The following SRGAP1 variants were observed in gnomAD, a reference collection of about 807,000 sequenced individuals.
The protein encoded by SRGAP1 is SLIT-ROBO Rho GTPase activating protein 1, also known as SLIT-ROBO Rho GTPase-activating protein 1.
In SRGAP1, 43 loss-of-function variants were observed where a neutral mutation model predicts 121.9. That is an observed-to-expected ratio of 0.35 (90% CI 0.28 to 0.46). The LOEUF is 0.46. Among genes scored for constraint, SRGAP1 ranks in the 20% least tolerant of loss-of-function variants. The pLI is 1.00. For missense variants in SRGAP1, 1,102 were observed against 1,350.9 expected (o/e 0.82, Z 2.89); for synonymous variants, 447 against 485.4 (o/e 0.92, Z 1.04).
At position 64,045,011 on chromosome 12, in the gene SRGAP1, T is replaced by A. The variant is rs1178230922; in HGVS notation, c.801+1436T>A. ...CTCACCCAACCTCTGATGTGAATTT[T>A]TTCTTTTCGTCTCAAAACAACTTTA... On this transcript the variant is annotated intron_variant, in intron 6 of 21. Coordinates refer to ENST00000355086, the MANE Select transcript of SRGAP1 (RefSeq NM_020762.4). Among the ~76,000 whole-genome samples, 6 of 152,198 alleles carry A rather than the reference T, an allele frequency of 3.9e-5. No individual in the cohort carries two copies. The East Asian group carries it at 1.2e-3, about 29-fold the overall frequency.
At chr12:63,965,297 C>T (rs889188427) in intron 1 of SRGAP1, among the ~76,000 whole-genome samples, 5 of 151,976 alleles carry the variant, frequency 3.3e-5, no homozygotes, top group Non-Finnish European at 7.4e-5. Context: ...ATGAATGTAA[C>T]CTAGAGCTTT....
chr12:64,069,501 C>T (rs941677900), intron 8 of SRGAP1, among the ~76,000 whole-genome samples: 1 of 152,156 alleles, frequency 6.6e-6, no homozygotes, highest in Non-Finnish European at 1.5e-5. Context: ...TTCCAACTTC[C>T]AGCCGATCTG....
At chr12:63,926,801 A>G (rs941924895) in intron 1 of SRGAP1, among the ~76,000 whole-genome samples, 181 of 152,202 alleles carry the variant, frequency 1.2e-3, no homozygotes, top group African/African-American at 4.2e-3. Flanking sequence ...CCTTTTCCCA[A>G]TGTGAAACTT....
Position 64,154,907 on chromosome 12 carries a change from G to A in SRGAP1, c.*12235G>A, listed in dbSNP as rs567732945. ...GGAGACAGAAGGAGCAGCCAGGGCG[G>A]AGGAGGAAAACCAGGAGGAGCATGT... On this transcript the variant is annotated 3_prime_UTR_variant, in exon 22 of 22. Transcript: ENST00000355086. 6.5e-6 allele frequency: 1 copy of A among 152,762 alleles called. No homozygotes were observed. The highest frequency in any genetic ancestry group is 1.5e-5 in the Non-Finnish European group (1 of 68,354). 9.5% of individuals were successfully genotyped at this position (152,762 alleles called of 1,614,324 possible). A position where few individuals can be genotyped will look rare whatever the true frequency, so the allele number is the denominator to read the frequency against.
At chr12:64,013,355 T>C (rs528197094) in intron 3 of SRGAP1, among the ~76,000 whole-genome samples, 2 of 152,324 alleles carry the variant, frequency 1.3e-5, no homozygotes, top group South Asian at 4.1e-4. Context: ...CAAGTATCTG[T>C]GAATACAAGG....
intron 19 of SRGAP1, among the ~76,000 whole-genome samples, 160 bp from the exon 20 acceptor site, chr12:64,127,430 T>C (rs1008104180): frequency 7.2e-5 from 11 of 152,222 alleles, no homozygotes; most frequent in Non-Finnish European, 1.5e-5. Context: ...GCTTTTATAA[T>C]GAAAAGAGAA....
At chr12:63,913,480 T>TATATATATATATATATATATATATCG (rs1439123798) in intron 1 of SRGAP1, among the ~76,000 whole-genome samples, 1 of 108,626 alleles carries the variant, frequency 9.2e-6, no homozygotes, top group Non-Finnish European at 1.9e-5. Context: ...TATATATGGA[T>TATATATATATATATATATATATATCG]ATATATATAT....
chr12:64,003,090 G>GGGAGGGAGGGAA (rs777832380), intron 3 of SRGAP1, among the ~76,000 whole-genome samples: 47,616 of 117,446 alleles, frequency 0.41, 11,025 homozygotes, highest in African/African-American at 0.52. Context: ...AAGGGAGGGT[G>GGGAGGGAGGGAA]GGAGGGAGGG....
intron 1 of SRGAP1, among the ~76,000 whole-genome samples, chr12:63,895,569 G>A (rs1900726533): frequency 6.6e-6 from 1 of 152,118 alleles, no homozygotes; most frequent in Non-Finnish European, 1.5e-5. Context: ...AATGAGTCTA[G>A]ATCTAGAAGT....
At chr12:63,971,888 G>A (rs191804508) in intron 1 of SRGAP1, among the ~76,000 whole-genome samples, 24 of 152,260 alleles carry the variant, frequency 1.6e-4, no homozygotes, top group Non-Finnish European at 2.8e-4. Context: ...GCTTTCAGTT[G>A]TAAAATGGAT....
chr12:63,910,563 A>G (rs192768058), intron 1 of SRGAP1, among the ~76,000 whole-genome samples: 18 of 152,306 alleles, frequency 1.2e-4, no homozygotes, highest in Admixed American at 9.8e-4. Flanking sequence ...TTCTACAGGA[A>G]CAGTAATACT....
rs144512081 is a variant in SRGAP1 at position 64,102,244 on chromosome 12, C to T, written c.1813+4869C>T. 2.0e-3 allele frequency among the ~76,000 whole-genome samples: 300 copies of T among 152,266 alleles called. 3 individuals carry two copies. Among genetic ancestry groups the T allele is most frequent in the Middle Eastern group, 0.017 (5 of 294 alleles). ...GGCAAAAAACACGATTAGTTTTGCA[C>T]CAACCTAATGTTATGCAATTAACAT... On this transcript the variant is annotated intron_variant, in intron 15 of 21. Transcript: ENST00000355086.
At chr12:63,986,935 T>G (rs1024357688) in intron 2 of SRGAP1, among the ~76,000 whole-genome samples, 9 of 152,308 alleles carry the variant, frequency 5.9e-5, no homozygotes, top group African/African-American at 2.2e-4. Flanking sequence ...AATATGGGAC[T>G]GAAGATAAGA....
intron 7 of SRGAP1, among the ~76,000 whole-genome samples, 170 bp downstream of exon 7, chr12:64,063,308 G>A (rs7135485): frequency 0.024 from 3,586 of 152,196 alleles, 126 homozygotes; most frequent in African/African-American, 0.08. Context: ...TAAAGCAAAC[G>A]TCAAACACTC....
At chr12:63,935,481 T>C (rs891390762) in intron 1 of SRGAP1, among the ~76,000 whole-genome samples, 2 of 152,232 alleles carry the variant, frequency 1.3e-5, no homozygotes, top group African/African-American at 4.8e-5. Flanking sequence ...CTGAGAATCA[T>C]ATGTTCTAAA....
At chr12:63,977,838 A>G (rs372094654) in intron 1 of SRGAP1, among the ~76,000 whole-genome samples, 20 of 152,342 alleles carry the variant, frequency 1.3e-4, no homozygotes, top group African/African-American at 4.6e-4. Flanking sequence ...AGCCTCCATT[A>G]AAACTGCCAT....
intron 6 of SRGAP1, among the ~76,000 whole-genome samples, chr12:64,053,015 G>A (rs1214424240): frequency 6.6e-6 from 1 of 151,984 alleles, no homozygotes; most frequent in Non-Finnish European, 1.5e-5. Flanking sequence ...TATTTCATAG[G>A]TAATTAAATT....
intron 1 of SRGAP1, among the ~76,000 whole-genome samples, chr12:63,909,712 T>C (rs2030403542): frequency 6.6e-6 from 1 of 152,264 alleles, no homozygotes. Flanking sequence ...TACTATTTGC[T>C]TGTAATTGCT....
intron 15 of SRGAP1, among the ~76,000 whole-genome samples, chr12:64,102,776 T>G (rs1302303660): frequency 6.6e-6 from 1 of 152,142 alleles, no homozygotes; most frequent in Non-Finnish European, 1.5e-5. Flanking sequence ...AAAAATCCAT[T>G]TTGTGGGTAC....
Sources: allele counts gnomAD v4.1 joint callset (sites outside exome capture counted in the v4.1 genomes callset), GRCh38; gene constraint gnomAD v4.1.1; transcripts MANE v1.5; gene names NCBI Gene and HGNC (gene_info 2026-07-23, HGNC 2026-07-21).